ATP11A: variants seen among roughly 807,000 people sequenced by gnomAD.
The protein encoded by ATP11A is ATPase phospholipid transporting 11A, also known as phospholipid-transporting ATPase IH.
A neutral mutation model predicts 154.4 loss-of-function variants in ATP11A; 81 were observed. The ratio of observed to expected loss-of-function variants is 0.52; its 90% CI spans 0.44 to 0.63. The LOEUF (loss-of-function observed/expected upper bound fraction) is 0.63, where lower values mean the gene tolerates loss of function less well. Ranked by LOEUF, ATP11A falls within the 30% of genes least tolerant of loss-of-function variation. The probability of loss-of-function intolerance (pLI) is 0.00; values close to 1 mark genes in which losing one functional copy is unlikely to be tolerated. For synonymous variants in ATP11A, 623 were observed against 585.9 expected (o/e 1.06, Z -0.91); for missense variants, 1,316 against 1,474.3 (o/e 0.89, Z 1.76).
intron 29 of ATP11A, 84 bp downstream of exon 29, chr13:112,878,387 C>T (rs2080793255): frequency 5.5e-6 from 8 of 1,448,428 alleles, no homozygotes; most frequent in Non-Finnish European, 5.8e-6. Flanking sequence ...CCTGAGTCCA[C>T]GTGCTCTGAC....
chr13:112,816,513 A>T (rs1029945085), intron 6 of ATP11A, among the ~76,000 whole-genome samples: 3 of 152,056 alleles, frequency 2.0e-5, no homozygotes, highest in African/African-American at 4.8e-5. Flanking sequence ...CCCACATCTC[A>T]CTGATTTCCC....
At chr13:112,741,985 C>G (rs896101020) in intron 1 of ATP11A, among the ~76,000 whole-genome samples, 1 of 151,630 alleles carries the variant, frequency 6.6e-6, no homozygotes, top group African/African-American at 2.4e-5. Context: ...GTGGTTCCCC[C>G]ACCACAGAAG....
Position 112,860,282 on chromosome 13 carries a change from T to TA in ATP11A, c.2728-4dup. 1.9e-6 allele frequency: 3 copies of TA among 1,612,334 alleles called. No individual in the cohort carries two copies. Among genetic ancestry groups the TA allele is most frequent in the Non-Finnish European group, 2.5e-6 (3 of 1,178,804 alleles). On this transcript the variant is annotated splice_region_variant and splice_polypyrimidine_tract_variant and intron_variant, in intron 23 of 29. Transcript: ENST00000375645. ...GTGCCACTTCTTGTGACTTTCCTCTTACAGACTTTGTACGACACCGCGTAT... is the reference window on the plus strand; with the variant it reads ...GTGCCACTTCTTGTGACTTTCCTCTTAACAGACTTTGTACGACACCGCGTAT...
chr13:112,825,344 C>G, intron 10 of ATP11A, 86 bp from the exon 11 acceptor site: 7 of 1,430,876 alleles, frequency 4.9e-6, no homozygotes, highest in Non-Finnish European at 6.6e-6. Flanking sequence ...TGTTTCTTCA[C>G]GAGGTGTCAT....
At chr13:112,752,293 C>T (rs966125312) in intron 1 of ATP11A, among the ~76,000 whole-genome samples, 13 of 152,136 alleles carry the variant, frequency 8.5e-5, no homozygotes, top group African/African-American at 2.4e-4. Flanking sequence ...GGCTCGGGGC[C>T]GGGAGGAGGG....
In ATP11A at chr13:112,882,224, C is replaced by A. The variant is rs2080903449; in HGVS notation, c.*358C>A. ...ACACCAGTGGCCTCTGGGCATTCGG[C>A]TCAACGCAGGAGGGACATTCTGCTG... On this transcript the variant is annotated 3_prime_UTR_variant, in exon 30 of 30. Coordinates refer to ENST00000375645, the MANE Select transcript of ATP11A (RefSeq NM_015205.3). The surrounding 1 kb of genome is among the most constrained non-coding windows in gnomAD (Gnocchi z 5.1). The A allele has an allele frequency of 1.1e-6, 1 of 930,624 alleles. No individual in the cohort carries two copies. The highest frequency in any genetic ancestry group is 1.5e-6 in the Non-Finnish European group (1 of 679,048). The allele number at this position is 930,624 out of a possible 1,614,324, so 57.6% of individuals were successfully genotyped here.
At chr13:112,874,638 G>A (rs778689056) in intron 27 of ATP11A, among the ~76,000 whole-genome samples, 24 of 152,128 alleles carry the variant, frequency 1.6e-4, no homozygotes, top group Non-Finnish European at 2.8e-4. Context: ...TGACCTGGGC[G>A]GGACTCTCAG....
intron 23 of ATP11A, 100 bp from the exon 24 acceptor site, chr13:112,860,187 C>G: frequency 5.0e-6 from 7 of 1,387,998 alleles, no homozygotes; most frequent in Non-Finnish European, 6.9e-6. Context: ...GCGCTCTGGT[C>G]TTTCTATGCA....
At position 112,825,422 on chromosome 13, in the gene ATP11A, T is replaced by C. The variant is rs1335598796; in HGVS notation, c.873-8T>C. The C allele has an allele frequency of 6.2e-7, 1 of 1,605,128 alleles. No homozygotes were observed. Among genetic ancestry groups the C allele is most frequent in the Non-Finnish European group, 8.5e-7 (1 of 1,175,316 alleles). ...GGACCAGTGATCACCTCTGTCCTTT[T>C]GTTTTAGATCGATGAATGCGTTCCT... On this transcript the variant is annotated splice_polypyrimidine_tract_variant and splice_region_variant and intron_variant, in intron 10 of 29. Coordinates refer to ENST00000375645, the MANE Select transcript of ATP11A (RefSeq NM_015205.3).
chr13:112,792,047 C>A (rs1447320957), intron 2 of ATP11A, among the ~76,000 whole-genome samples: 1 of 152,162 alleles, frequency 6.6e-6, no homozygotes, highest in Middle Eastern at 3.2e-3. Flanking sequence ...CTCAAATCCG[C>A]CCATGCATTG....
At chr13:112,700,208 G>A (rs941744290) in intron 1 of ATP11A, among the ~76,000 whole-genome samples, 4 of 152,322 alleles carry the variant, frequency 2.6e-5, no homozygotes, top group Middle Eastern at 3.4e-3. Context: ...GAAATTACAC[G>A]TTCAACAAAG....
intron 4 of ATP11A, among the ~76,000 whole-genome samples, chr13:112,810,303 A>G (rs1168412072): frequency 6.6e-6 from 1 of 152,210 alleles, no homozygotes; most frequent in Non-Finnish European, 1.5e-5. Context: ...TTAGGAATTT[A>G]TCCTAAGTCC....
chr13:112,796,638 G>A (rs1278221842), intron 2 of ATP11A, among the ~76,000 whole-genome samples: 4 of 152,180 alleles, frequency 2.6e-5, no homozygotes, highest in Non-Finnish European at 5.9e-5. Flanking sequence ...AGAACAGTAA[G>A]GTAATAAATT....
chr13:112,832,901 C>G lies in ATP11A; in HGVS notation c.1437C>G (p.His479Gln). 4 of 1,614,144 alleles carry G rather than the reference C, an allele frequency of 2.5e-6. No homozygotes were observed. The highest frequency in any genetic ancestry group is 3.4e-6 in the Non-Finnish European group (4 of 1,179,990). ...ELFFRALCLCHTVQVKDDDSV... is the reference protein window; with the variant it reads ...ELFFRALCLCQTVQVKDDDSV... ...TTTTCCGGGCCCTCTGTCTCTGCCA[C>G]ACCGTCCAGGTGAAAGACGATGACA... Residue 479 changes from histidine to glutamine, a missense_variant, in exon 14 of 30, where the codon CAC becomes CAG. His to Gln is a conservative substitution (Grantham distance 24, BLOSUM62 0). Transcript: ENST00000375645.
intron 24 of ATP11A, among the ~76,000 whole-genome samples, chr13:112,861,482 C>T (rs1318755730): frequency 1.3e-5 from 2 of 152,204 alleles, no homozygotes; most frequent in African/African-American, 4.8e-5. Flanking sequence ...CCCAGCTTTC[C>T]CTGCACTTAC....
chr13:112,725,063 C>T (rs1011814072), intron 1 of ATP11A, among the ~76,000 whole-genome samples: 8 of 152,130 alleles, frequency 5.3e-5, no homozygotes, highest in African/African-American at 1.7e-4. Context: ...AGCTGATGGC[C>T]GACGCCTCTT....
intron 12 of ATP11A, among the ~76,000 whole-genome samples, chr13:112,830,908 A>G (rs1034991807): frequency 6.6e-6 from 1 of 151,896 alleles, no homozygotes; most frequent in Non-Finnish European, 1.5e-5. Flanking sequence ...TCAACCTTAC[A>G]TGGTATTGTA....
At chr13:112,803,181 A>G (rs2078184816) in intron 2 of ATP11A, among the ~76,000 whole-genome samples, 3 of 152,322 alleles carry the variant, frequency 2.0e-5, no homozygotes, top group African/African-American at 7.2e-5. Context: ...TATACTCTCT[A>G]AGCCACTGGA....
At chr13:112,840,391 T>TG (rs2079372973) in intron 16 of ATP11A, among the ~76,000 whole-genome samples, 13 of 60,680 alleles carry the variant, frequency 2.1e-4, no homozygotes, top group East Asian at 1.0e-3. Context: ...CATTCTCTCA[T>TG]CCCCCCTGCC....
Sources: allele counts gnomAD v4.1 joint callset (sites outside exome capture counted in the v4.1 genomes callset), GRCh38; gene constraint gnomAD v4.1.1; non-coding constraint Gnocchi (gnomAD v3.1); transcripts MANE v1.5; gene names NCBI Gene and HGNC (gene_info 2026-07-23, HGNC 2026-07-21).